The following MBNL1 variants were observed in gnomAD, a reference collection of about 807,000 sequenced individuals.
MBNL1 encodes the protein muscleblind like splicing regulator 1, also known as muscleblind-like protein 1.
In MBNL1, 8 loss-of-function variants were observed where a neutral mutation model predicts 42.2. That is an observed-to-expected ratio of 0.19 (90% confidence interval 0.11 to 0.34). The LOEUF (loss-of-function observed/expected upper bound fraction) is 0.34. MBNL1 is among the 10% of genes least tolerant of loss of function. The pLI is 1.00. For synonymous variants in MBNL1, 169 were observed against 173.9 expected, an observed-to-expected ratio of 0.97 and a Z score of 0.22; for missense variants, 309 against 495.3, an observed-to-expected ratio of 0.62 and a Z score of 3.57.
rs573731203 is a variant in MBNL1 at position 152,357,975 on chromosome 3, C to T, written c.175-56966C>T. Among the ~76,000 whole-genome samples the T allele has an allele frequency of 2.0e-5, 3 of 150,872 alleles. No homozygotes were observed. The South Asian group carries it at 6.3e-4, about 32-fold the overall frequency. ...TGGAGCAGAACACACTTGAAAAGGT[C>T]AAAATGAAGTTAGAAGGGTGTGTGT... On this transcript the variant is annotated intron_variant, in intron 2 of 9. Transcript: ENST00000324210.
chr3:152,363,067 TC>T (rs1262542238), intron 2 of MBNL1, among the ~76,000 whole-genome samples: 4 of 152,190 alleles, frequency 2.6e-5, no homozygotes, highest in African/African-American at 9.7e-5. Flanking sequence ...ATTTAAAAAT[TC>T]TATGTTTTGA....
chr3:152,304,459 T>G (rs911759805), intron 2 of MBNL1, among the ~76,000 whole-genome samples: 3 of 152,224 alleles, frequency 2.0e-5, no homozygotes, highest in African/African-American at 7.2e-5. Context: ...TCAATTAAAA[T>G]TTTGATCTAT....
intron 2 of MBNL1, among the ~76,000 whole-genome samples, chr3:152,402,813 C>T (rs541545265): frequency 1.7e-4 from 26 of 152,260 alleles, no homozygotes; most frequent in Admixed American, 1.2e-3. Flanking sequence ...ACAGAATATC[C>T]TATATTCTGA....
At chr3:152,411,228 A>G (rs1001488255) in intron 2 of MBNL1, among the ~76,000 whole-genome samples, 1 of 152,214 alleles carries the variant, frequency 6.6e-6, no homozygotes, top group Non-Finnish European at 1.5e-5. Context: ...TGTACCTATC[A>G]AAACTGAAGA....
chr3:152,375,696 G>A (rs2096868250), intron 2 of MBNL1, among the ~76,000 whole-genome samples: 1 of 152,080 alleles, frequency 6.6e-6, no homozygotes, highest in Non-Finnish European at 1.5e-5. Context: ...ATGTGTGCCT[G>A]TAGTCCTAGC....
intron 6 of MBNL1, among the ~76,000 whole-genome samples, chr3:152,450,126 AAAC>A (rs1238857392): frequency 6.1e-4 from 92 of 151,350 alleles, no homozygotes; most frequent in African/African-American, 2.1e-3. Context: ...AAACCACACA[AAAC>A]AACAACAACA....
intron 2 of MBNL1, among the ~76,000 whole-genome samples, chr3:152,399,669 T>G (rs114160914): frequency 2.3e-4 from 35 of 152,140 alleles, no homozygotes; most frequent in Admixed American, 1.1e-3. Context: ...CTGTCTATTT[T>G]TTTTCTATAT....
chr3:152,355,342 G>C (rs1160067038), intron 2 of MBNL1, among the ~76,000 whole-genome samples: 1 of 152,124 alleles, frequency 6.6e-6, no homozygotes, highest in Non-Finnish European at 1.5e-5. Flanking sequence ...CCTGCGTCCA[G>C]TTTAATTTGG....
At chr3:152,423,242 A>AGG (rs1243223968) in intron 3 of MBNL1, among the ~76,000 whole-genome samples, 1 of 152,226 alleles carries the variant, frequency 6.6e-6, no homozygotes, top group Admixed American at 6.5e-5. Context: ...TAAATGACAA[A>AGG]GGGGATATCA....
chr3:152,432,935 T>C lies in MBNL1; in HGVS notation c.549+15T>C, dbSNP rs748930162. On this transcript the variant is annotated intron_variant, in intron 4 of 9. Transcript: ENST00000324210. ...ACAGACTTGAGGTAGGAATGACTAG[T>C]TGGTGTCTTTATATACTACATTCTA... 6.2e-7 allele frequency: 1 copy of C among 1,604,530 alleles called. No homozygotes were observed. Among genetic ancestry groups the C allele is most frequent in the Admixed American group, 1.7e-5 (1 of 59,948 alleles).
chr3:152,326,272 A>G (rs1231727250), intron 2 of MBNL1, among the ~76,000 whole-genome samples: 1 of 152,186 alleles, frequency 6.6e-6, no homozygotes, highest in African/African-American at 2.4e-5. Flanking sequence ...CTGTAAACTG[A>G]AAATTAGAGT....
At chr3:152,406,127 G>A (rs2098421278) in intron 2 of MBNL1, among the ~76,000 whole-genome samples, 1 of 152,130 alleles carries the variant, frequency 6.6e-6, no homozygotes, top group Non-Finnish European at 1.5e-5. Flanking sequence ...CAGGGATGGT[G>A]GTCAGATCTG....
At chr3:152,344,811 G>A (rs2093948015) in intron 2 of MBNL1, among the ~76,000 whole-genome samples, 1 of 152,064 alleles carries the variant, frequency 6.6e-6, no homozygotes. Flanking sequence ...ATTTTCAGAT[G>A]TGCCTGTAAA....
intron 2 of MBNL1, among the ~76,000 whole-genome samples, chr3:152,362,279 C>T (rs538078373): frequency 9.2e-5 from 14 of 152,262 alleles, no homozygotes; most frequent in East Asian, 5.8e-4. Flanking sequence ...TGCTCACTGC[C>T]GCGCGGATCC....
At chr3:152,320,883 A>C (rs1033962332) in intron 2 of MBNL1, among the ~76,000 whole-genome samples, 6 of 152,006 alleles carry the variant, frequency 3.9e-5, no homozygotes, top group African/African-American at 1.4e-4. Context: ...GTTACACCTA[A>C]ATTTCTCTAT....
intron 4 of MBNL1, among the ~76,000 whole-genome samples, chr3:152,440,144 C>A (rs1163144794): frequency 1.3e-5 from 2 of 152,126 alleles, no homozygotes; most frequent in Admixed American, 1.3e-4. Flanking sequence ...ATGGAGTCTG[C>A]CTTTTAGGCT....
chr3:152,339,656 A>G (rs2092574720), intron 2 of MBNL1: 1 of 152,112 alleles, frequency 6.6e-6, no homozygotes, highest in South Asian at 2.1e-4. Flanking sequence ...GTTGAAATTA[A>G]CGCTATTAGC....
chr3:152,302,238 T>G (rs2061005988), intron 2 of MBNL1: 1 of 152,158 alleles, frequency 6.6e-6, no homozygotes, highest in Non-Finnish European at 1.5e-5. Flanking sequence ...TTACAGCAGC[T>G]AATCAATGCA....
intron 2 of MBNL1, among the ~76,000 whole-genome samples, chr3:152,392,057 CATT>C (rs1225778470): frequency 6.7e-6 from 1 of 148,728 alleles, no homozygotes; most frequent in East Asian, 2.0e-4. Context: ...CAGAGCTCAT[CATT>C]AAGTCCTGTC....
Sources: gnomAD v4.1 joint callset for allele counts (sites outside exome capture counted in the v4.1 genomes callset) on GRCh38, gnomAD v4.1.1 for gene constraint, MANE v1.5 for transcripts, NCBI Gene and HGNC (gene_info 2026-07-23, HGNC 2026-07-21) for gene names.